APBA2: variants seen among roughly 807,000 people sequenced by gnomAD.
The protein encoded by APBA2 is amyloid beta precursor protein binding family A member 2.
A neutral mutation model predicts 75.0 loss-of-function variants in APBA2; 30 were observed. The ratio of observed to expected loss-of-function variants is 0.40; its 90% CI spans 0.30 to 0.54. The LOEUF is 0.54. Ranked by LOEUF, APBA2 falls within the 20% of genes least tolerant of loss-of-function variation. The pLI is 0.49. For synonymous variants in APBA2, 444 were observed against 409.6 expected, an observed-to-expected ratio of 1.08 and a Z score of -1.01; for missense variants, 801 against 1,016.1, an observed-to-expected ratio of 0.79 and a Z score of 2.88.
intron 8 of APBA2, among the ~76,000 whole-genome samples, chr15:29,096,729 TTTC>T (rs766854308): frequency 6.6e-6 from 1 of 152,196 alleles, no homozygotes; most frequent in Non-Finnish European, 1.5e-5. Flanking sequence ...AGCAGGGAGA[TTTC>T]TTATTTCAGA....
At chr15:28,934,652 C>T (rs2034752640) in intron 2 of APBA2, among the ~76,000 whole-genome samples, 1 of 152,074 alleles carries the variant, frequency 6.6e-6, no homozygotes, top group South Asian at 2.1e-4. Context: ...TGGCTCAGGG[C>T]AGTCACTTGT....
intron 2 of APBA2, among the ~76,000 whole-genome samples, chr15:28,969,746 T>A (rs2036964637): frequency 6.6e-6 from 1 of 152,150 alleles, no homozygotes; most frequent in Non-Finnish European, 1.5e-5. Flanking sequence ...GACTGAGGAT[T>A]GAAGGGGCCA....
chr15:28,949,509 C>T (rs1035653188), intron 2 of APBA2, among the ~76,000 whole-genome samples: 3 of 152,182 alleles, frequency 2.0e-5, no homozygotes, highest in African/African-American at 7.2e-5. Flanking sequence ...CACTCTGTCA[C>T]CCAGGCTGGA....
intron 2 of APBA2, among the ~76,000 whole-genome samples, chr15:28,963,090 C>T (rs1261933965): frequency 6.6e-6 from 1 of 152,176 alleles, no homozygotes; most frequent in Non-Finnish European, 1.5e-5. Flanking sequence ...CAGAGAGGAC[C>T]AGACCTAAAG....
chr15:29,094,320 A>C lies in APBA2; in HGVS notation c.1251+7A>C. 6.2e-7 allele frequency: 1 copy of C among 1,614,024 alleles called. No homozygotes were observed. The highest frequency in any genetic ancestry group is 8.5e-7 in the Non-Finnish European group (1 of 1,179,828). On this transcript the variant is annotated splice_region_variant and intron_variant, in intron 8 of 14. Coordinates refer to ENST00000683413, the MANE Select transcript of APBA2 (RefSeq NM_001353788.2). The stretch of plus-strand genomic sequence containing the variant: ...TAAGATCAAGAAAAAAGCGGTGTGT[A>C]GGGCCTTGAGGCCCTGGGACAGTGT...
In APBA2 at chr15:29,105,410, C is replaced by T. The variant is rs746149119; in HGVS notation, c.1556C>T (p.Ala519Val). The change falls in exon 11 of 15, where the codon GCC becomes GTC. Residue 519 changes from alanine (A) to valine (V), a missense_variant. Ala to Val is a moderately conservative substitution (Grantham distance 64). Coordinates refer to ENST00000683413, the MANE Select transcript of APBA2 (RefSeq NM_001353788.2). ...AQLIAQSIGQ[A>V]FSVAYQEFLR... ...CTCATCGCCCAGTCTATCGGCCAGG[C>T]CTTCAGCGTGGCCTACCAGGAGTTC... is the stretch of plus-strand genomic sequence containing the variant. 1.2e-6 allele frequency: 2 copies of T among 1,612,738 alleles called. No homozygotes were observed. The highest frequency in any genetic ancestry group is 1.1e-5 in the South Asian group (1 of 91,062).
At chr15:29,088,476 G>A (rs2043395793) in intron 6 of APBA2, among the ~76,000 whole-genome samples, 1 of 152,146 alleles carries the variant, frequency 6.6e-6, no homozygotes, top group African/African-American at 2.4e-5. Flanking sequence ...GGGCAGGTCT[G>A]TCCATCGAGC....
intron 3 of APBA2, among the ~76,000 whole-genome samples, chr15:29,001,227 T>A (rs2038827285): frequency 6.6e-6 from 1 of 151,868 alleles, no homozygotes; most frequent in South Asian, 2.1e-4. Context: ...TTATTTATTT[T>A]TTTTGAGACA....
rs57863257 is a variant in APBA2 at position 28,948,381 on chromosome 15, G to GAA, written c.-95+26644_-95+26645dup. Among the ~76,000 whole-genome samples, 773 of 146,278 alleles carry GAA rather than the reference G, an allele frequency of 5.3e-3. 7 individuals are homozygous for GAA. Among genetic ancestry groups the GAA allele is most frequent in the African/African-American group, 0.017 (694 of 40,212 alleles). The stretch of plus-strand genomic sequence containing the variant: ...CACTGGTGAGTTCTGATTATTTTTG[G>GAA]AAAAAAAAAAAAATTAAAACTCTGG... On this transcript the variant is annotated intron_variant, in intron 2 of 14. Coordinates refer to ENST00000683413, the MANE Select transcript of APBA2 (RefSeq NM_001353788.2).
intron 4 of APBA2, among the ~76,000 whole-genome samples, chr15:29,057,885 C>T (rs755805944): frequency 8.5e-5 from 13 of 152,294 alleles, no homozygotes; most frequent in Admixed American, 2.6e-4. Flanking sequence ...CATTTCCCCT[C>T]GATGACCTTG....
In APBA2 at chr15:29,046,090, C is replaced by T. The variant is rs1308308646; in HGVS notation, c.-40-7755C>T. Among the ~76,000 whole-genome samples, 1 of 152,148 alleles carries T rather than the reference C, an allele frequency of 6.6e-6. No individual in the cohort carries two copies. The highest frequency in any genetic ancestry group is 2.4e-5 in the African/African-American group (1 of 41,438). ...CAGCTATGTGGGACCTTCCTTCAGG[C>T]ACTAAAGGGCTTCCTGAAAAAGTTG... On this transcript the variant is annotated intron_variant, in intron 3 of 14. Transcript: ENST00000683413. The surrounding 1 kb of genome is among the most constrained non-coding windows in gnomAD (Gnocchi z 5.0).
Position 29,039,098 on chromosome 15 carries a change from GGTGTGTGTGTGTGTGT to G in APBA2, c.-40-14704_-40-14689del, listed in dbSNP as rs57326919. ...CAGCCTTATTTCAGCTGTATGTCAG[GGTGTGTGTGTGTGTGT>G]GTGTGTGTGTGTGTGTGTGTGTGTG... On this transcript the variant is annotated intron_variant, in intron 3 of 14. Transcript: ENST00000683413. Among the ~76,000 whole-genome samples the G allele has an allele frequency of 8.2e-3, 871 of 106,292 alleles. 5 individuals are homozygous for G. The highest frequency in any genetic ancestry group is 0.016 in the African/African-American group (465 of 28,380). The allele number at this position is 106,292 out of a possible 152,430, so 69.7% of individuals were successfully genotyped here.
chr15:29,108,469 A>G (rs1567025142), intron 13 of APBA2, 80 bp downstream of exon 13: 6 of 1,606,896 alleles, frequency 3.7e-6, no homozygotes, highest in Non-Finnish European at 5.1e-6. Context: ...CCAATGGGGC[A>G]GGCTATGTCT....
chr15:29,055,757 C>G (rs189035078), intron 4 of APBA2, among the ~76,000 whole-genome samples: 134 of 149,888 alleles, frequency 8.9e-4, no homozygotes, highest in African/African-American at 3.2e-3. Flanking sequence ...ATTTTCAGCA[C>G]TTATATTTTA....
At position 28,940,356 on chromosome 15, in the gene APBA2, CAAA is replaced by C. The variant is rs398043111; in HGVS notation, c.-95+18636_-95+18638del. Among the ~76,000 whole-genome samples the C allele has an allele frequency of 7.5e-3, 290 of 38,422 alleles. 2 individuals carry two copies. Among genetic ancestry groups the C allele is most frequent in the African/African-American group, 0.019 (255 of 13,750 alleles). 25.2% of individuals were successfully genotyped at this position (38,422 alleles called of 152,430 possible). A position where few individuals can be genotyped will look rare whatever the true frequency, so the allele number is the denominator to read the frequency against. ...TGAAACCCCGTCTCTACTAAAAATACAAAAAAAAAAAAAAAAAAAAAAAAAAAA... is the reference window on the plus strand; with the variant it reads ...TGAAACCCCGTCTCTACTAAAAATACAAAAAAAAAAAAAAAAAAAAAAAAA... On this transcript the variant is annotated intron_variant, in intron 2 of 14. Transcript: ENST00000683413.
intron 2 of APBA2, among the ~76,000 whole-genome samples, chr15:28,954,258 CCA>C (rs1232659524): frequency 2.0e-5 from 3 of 152,162 alleles, no homozygotes; most frequent in Non-Finnish European, 4.4e-5. Flanking sequence ...GCATACCTTC[CCA>C]CCCAAGTCTG....
At chr15:28,950,975 A>G (rs188568024) in intron 2 of APBA2, among the ~76,000 whole-genome samples, 1 of 152,240 alleles carries the variant, frequency 6.6e-6, no homozygotes, top group African/African-American at 2.4e-5. Flanking sequence ...CCTTAGAGAG[A>G]TCCCTACCTT....
intron 3 of APBA2, among the ~76,000 whole-genome samples, chr15:29,032,764 T>C (rs939120358): frequency 1.2e-4 from 18 of 152,144 alleles, no homozygotes; most frequent in Non-Finnish European, 2.4e-4. Flanking sequence ...CCTACAAGAC[T>C]GTGGCACTCA....
rs142971219 is a variant in APBA2, at chr15:29,000,261, A to G, written c.-41+4455A>G. ...TTCTAAAAATATGAACCAGATTAGA[A>G]CAGAAGATATCAGAGTTTGTTCTGC... is the stretch of plus-strand genomic sequence containing the variant. On this transcript the variant is annotated intron_variant, in intron 3 of 14. Transcript: ENST00000683413. Among the ~76,000 whole-genome samples the G allele has an allele frequency of 8.9e-4, 136 of 152,348 alleles. 1 individual carries two copies. The highest frequency in any genetic ancestry group is 3.1e-3 in the African/African-American group (128 of 41,578).
Sources: allele counts gnomAD v4.1 joint callset (sites outside exome capture counted in the v4.1 genomes callset), GRCh38; gene constraint gnomAD v4.1.1; non-coding constraint Gnocchi (gnomAD v3.1); transcripts MANE v1.5; gene names NCBI Gene and HGNC (gene_info 2026-07-23, HGNC 2026-07-21).